The following SGCZ variants were observed in gnomAD, a reference collection of about 807,000 sequenced individuals.
SGCZ encodes zeta-sarcoglycan.
SGCZ carries 40 observed loss-of-function variants against 41.3 expected under a neutral mutation model. That is an observed-to-expected ratio of 0.97 (90% CI 0.75 to 1.26). The LOEUF is 1.26. SGCZ is among the 50% of genes most tolerant of loss of function. SGCZ has a pLI of 0.00. For missense variants in SGCZ, 552 were observed against 369.8 expected, an observed-to-expected ratio of 1.49 and a Z score of -4.04; for synonymous variants, 206 against 137.5, an observed-to-expected ratio of 1.50 and a Z score of -3.49.
rs180718571 is a variant in SGCZ at position 14,739,861 on chromosome 8, C to T, written c.40-184935G>A. 2.3e-3 allele frequency among the ~76,000 whole-genome samples: 351 copies of T among 152,098 alleles called. 1 individual carries two copies. Among genetic ancestry groups the T allele is most frequent in the African/African-American group, 7.7e-3 (319 of 41,536 alleles). On this transcript the variant is annotated intron_variant, in intron 1 of 7. Transcript: ENST00000382080. ...CTTCCATTTTTATCCAAAGTTCTAT[C>T]GCAATTTCTCATTTAATTTCACTAC...
At chr8:14,108,759 G>C (rs1036611301) in intron 5 of SGCZ, among the ~76,000 whole-genome samples, 1 of 152,128 alleles carries the variant, frequency 6.6e-6, no homozygotes, top group South Asian at 2.1e-4. Context: ...GCAGGGAAGA[G>C]TCAATCAAGG....
At chr8:14,924,238 G>A (rs368465535) in intron 1 of SGCZ, among the ~76,000 whole-genome samples, 37 of 152,096 alleles carry the variant, frequency 2.4e-4, no homozygotes, top group African/African-American at 8.9e-4. Context: ...CTAACTTTAA[G>A]CATTTAGTAA....
At chr8:15,231,045 A>G (rs1801922907) in intron 1 of SGCZ, among the ~76,000 whole-genome samples, 1 of 152,164 alleles carries the variant, frequency 6.6e-6, no homozygotes, top group African/African-American at 2.4e-5. Context: ...AATTTCCTCA[A>G]ACACTACAAT....
At chr8:14,842,494 A>G (rs1802958018) in intron 1 of SGCZ, among the ~76,000 whole-genome samples, 1 of 151,176 alleles carries the variant, frequency 6.6e-6, no homozygotes, top group Non-Finnish European at 1.5e-5. Flanking sequence ...AAAGGAAGGA[A>G]GAAAGGAAGG....
chr8:14,841,347 C>A (rs1386919822), intron 1 of SGCZ, among the ~76,000 whole-genome samples: 3 of 151,962 alleles, frequency 2.0e-5, no homozygotes, highest in African/African-American at 7.3e-5. Context: ...TTTCAAAAGG[C>A]TACTATCTAG....
intron 1 of SGCZ, among the ~76,000 whole-genome samples, chr8:15,101,993 GC>G (rs1246387989): frequency 6.6e-6 from 1 of 152,002 alleles, no homozygotes; most frequent in Non-Finnish European, 1.5e-5. Flanking sequence ...CTAAACTTAG[GC>G]CTACCATCTG....
intron 1 of SGCZ, among the ~76,000 whole-genome samples, chr8:14,991,883 C>G (rs763482918): frequency 6.7e-6 from 1 of 149,826 alleles, no homozygotes; most frequent in Non-Finnish European, 1.5e-5. Flanking sequence ...TGATATTTAC[C>G]TCTCATCCAA....
At chr8:15,028,732 G>A (rs2130954799) in intron 1 of SGCZ, among the ~76,000 whole-genome samples, 1 of 152,100 alleles carries the variant, frequency 6.6e-6, no homozygotes, top group Admixed American at 6.5e-5. Flanking sequence ...TCCTTTTCTG[G>A]ATGCGAGAGA....
chr8:14,847,126 A>AAGAAGGAAGAAGAAGAAG (rs761276429), intron 1 of SGCZ, among the ~76,000 whole-genome samples: 1 of 126,362 alleles, frequency 7.9e-6, no homozygotes, highest in East Asian at 2.5e-4. Context: ...GAAGAAGAAG[A>AAGAAGGAAGAAGAAGAAG]AAGAAGAAGA....
intron 1 of SGCZ, among the ~76,000 whole-genome samples, chr8:15,089,138 C>T (rs1806058424): frequency 1.3e-5 from 2 of 152,000 alleles, no homozygotes; most frequent in Non-Finnish European, 2.9e-5. Context: ...ATTATAAATG[C>T]CTAATCTTAG....
At chr8:14,365,468 G>A (rs1464212762) in intron 2 of SGCZ, among the ~76,000 whole-genome samples, 2 of 151,988 alleles carry the variant, frequency 1.3e-5, no homozygotes, top group African/African-American at 4.8e-5. Context: ...CTAACATATT[G>A]TGTACAGTTT....
chr8:14,358,438 A>ACTGT (rs1432242872), intron 2 of SGCZ, among the ~76,000 whole-genome samples: 11 of 152,134 alleles, frequency 7.2e-5, no homozygotes, highest in Non-Finnish European at 1.5e-4. Flanking sequence ...AAGAAGTCTT[A>ACTGT]CTGTCACCAG....
Position 15,005,577 on chromosome 8 carries a change from C to T in SGCZ, c.39+232008G>A, listed in dbSNP as rs562972109. 7.2e-3 allele frequency among the ~76,000 whole-genome samples: 1,096 copies of T among 151,948 alleles called. 13 individuals are homozygous for T. The highest frequency in any genetic ancestry group is 0.025 in the African/African-American group (1,025 of 41,446). ...AACTCCTGACCTCAGGTTGTTCCGC[C>T]CACCTTGGCCTCCCAAAGTGCTGGG... On this transcript the variant is annotated intron_variant, in intron 1 of 7. Coordinates refer to ENST00000382080, the MANE Select transcript of SGCZ (RefSeq NM_139167.4).
At chr8:14,305,330 G>A (rs904840138) in intron 3 of SGCZ, among the ~76,000 whole-genome samples, 1 of 152,034 alleles carries the variant, frequency 6.6e-6, no homozygotes, top group African/African-American at 2.4e-5. Context: ...TGACCACAGC[G>A]TGCAATATTT....
chr8:14,995,127 T>A (rs368435310), intron 1 of SGCZ, among the ~76,000 whole-genome samples: 43 of 152,366 alleles, frequency 2.8e-4, no homozygotes, highest in African/African-American at 9.9e-4. Flanking sequence ...GGGAGTGCCA[T>A]CAGAGGCCTT....
At chr8:14,768,747 G>T (rs1800127704) in intron 1 of SGCZ, among the ~76,000 whole-genome samples, 1 of 151,940 alleles carries the variant, frequency 6.6e-6, no homozygotes, top group Non-Finnish European at 1.5e-5. Flanking sequence ...ACAGATGGAG[G>T]AAGGGAAGAG....
Position 14,776,945 on chromosome 8 carries a change from A to G in SGCZ, c.40-222019T>C, listed in dbSNP as rs189921016. On this transcript the variant is annotated intron_variant, in intron 1 of 7. Transcript: ENST00000382080. ...TTGATGTATACCATGGTAAAAGACA[A>G]TGGAATAAAATACAATTTCCACTTT... 1.1e-3 allele frequency among the ~76,000 whole-genome samples: 174 copies of G among 152,334 alleles called. 2 individuals are homozygous for G. Among genetic ancestry groups the G allele is most frequent in the Non-Finnish European group, 5.9e-4 (40 of 68,018 alleles).
chr8:14,643,216 C>T (rs995542844), intron 1 of SGCZ, among the ~76,000 whole-genome samples: 2 of 151,582 alleles, frequency 1.3e-5, no homozygotes, highest in African/African-American at 4.8e-5. Context: ...CATAGGAAGT[C>T]AACTCCACCT....
chr8:14,194,586 A>T (rs558566311), intron 4 of SGCZ, among the ~76,000 whole-genome samples: 4 of 152,016 alleles, frequency 2.6e-5, no homozygotes, highest in Non-Finnish European at 4.4e-5. Context: ...TAACATAATA[A>T]TAAAAATAAT....
Sources: gnomAD v4.1 joint callset for allele counts (sites outside exome capture counted in the v4.1 genomes callset) on GRCh38, gnomAD v4.1.1 for gene constraint, MANE v1.5 for transcripts, NCBI Gene and HGNC (gene_info 2026-07-23, HGNC 2026-07-21) for gene names.